AQR: variants seen among roughly 807,000 people sequenced by gnomAD.
The protein encoded by AQR is RNA helicase aquarius.
A neutral mutation model predicts 180.5 loss-of-function variants in AQR; 61 were observed. That is an observed-to-expected ratio of 0.34 (90% CI 0.28 to 0.42). The LOEUF is 0.42. AQR is among the 10% of genes least tolerant of loss of function. The pLI, the probability that AQR is intolerant of heterozygous loss-of-function variation, is 1.00. For missense variants in AQR, 1,281 were observed against 1,798.3 expected (o/e 0.71, Z 5.20); for synonymous variants, 551 against 588.8 (o/e 0.94, Z 0.93).
intron 13 of AQR, among the ~76,000 whole-genome samples, chr15:34,925,752 G>A (rs1345417513): frequency 1.3e-5 from 2 of 151,894 alleles, no homozygotes; most frequent in Non-Finnish European, 2.9e-5. Flanking sequence ...AGAATCACTT[G>A]AACCCAGGAG....
chr15:34,893,697 T>G lies in AQR; in HGVS notation c.2537A>C (p.Glu846Ala). Residue 846 changes from glutamate (E) to alanine (A), a missense_variant, in exon 23 of 35, where the codon GAA becomes GCA. Transcript: ENST00000156471. ...ATGAGTAACAATTAGAGTCCTCTGT[T>G]CTGGGAAGTTGTGGTAGATGTTGGA... ...IISNIYHNFP[E>A]QRTLIVTHSN... The G allele has an allele frequency of 6.2e-7, 1 of 1,613,428 alleles. No homozygotes were observed. The highest frequency in any genetic ancestry group is 8.5e-7 in the Non-Finnish European group (1 of 1,179,834).
chr15:34,929,675 T>C (rs1285551493), intron 12 of AQR, among the ~76,000 whole-genome samples: 3 of 152,208 alleles, frequency 2.0e-5, no homozygotes, highest in Non-Finnish European at 4.4e-5. Context: ...CTAACTTGAT[T>C]ACAAAAGAGT....
At position 34,896,881 on chromosome 15, in the gene AQR, G is replaced by T; in HGVS notation, c.2460+16C>A. 2 of 1,592,674 alleles carry T rather than the reference G, an allele frequency of 1.3e-6. No individual in the cohort carries two copies. The highest frequency in any genetic ancestry group is 1.7e-6 in the Non-Finnish European group (2 of 1,162,066). ...CAAACAAACAAACAAACAAACAGGT[G>T]TAACAATTCTCTTACCATAGTCAGC... On this transcript the variant is annotated intron_variant, in intron 22 of 34. Transcript: ENST00000156471.
intron 8 of AQR, among the ~76,000 whole-genome samples, chr15:34,940,387 A>T (rs1028015363): frequency 3.3e-5 from 5 of 152,124 alleles, no homozygotes; most frequent in Admixed American, 6.5e-5. Flanking sequence ...AAAATTAGCC[A>T]GGCGTGGTGG....
chr15:34,882,147 G>A (rs1422029568), intron 27 of AQR, among the ~76,000 whole-genome samples: 4 of 151,876 alleles, frequency 2.6e-5, no homozygotes, highest in Non-Finnish European at 5.9e-5. Context: ...TTTTACTTCT[G>A]TTTGGAGATA....
chr15:34,905,425 A>T (rs539044896), intron 18 of AQR, among the ~76,000 whole-genome samples: 1 of 152,186 alleles, frequency 6.6e-6, no homozygotes, highest in East Asian at 1.9e-4. Context: ...ACACATAAGA[A>T]ATCAAATAAC....
intron 5 of AQR, among the ~76,000 whole-genome samples, chr15:34,946,871 G>A (rs551634260): frequency 1.6e-4 from 23 of 142,946 alleles, no homozygotes; most frequent in Non-Finnish European, 2.5e-4. Context: ...CAGCCGCCCC[G>A]TCCGGGAGGG....
At chr15:34,941,700 A>C (rs1200695414) in intron 7 of AQR, among the ~76,000 whole-genome samples, 1 of 151,930 alleles carries the variant, frequency 6.6e-6, no homozygotes, top group Non-Finnish European at 1.5e-5. Flanking sequence ...CTATATATAT[A>C]CTCTAATCAA....
chr15:34,897,261 G>C (rs1001190469), intron 21 of AQR, among the ~76,000 whole-genome samples: 37 of 152,224 alleles, frequency 2.4e-4, no homozygotes, highest in African/African-American at 7.5e-4. Flanking sequence ...ACATGCATTA[G>C]GGCTACTGCT....
At chr15:34,942,159 C>A in intron 6 of AQR, 79 bp from the exon 7 acceptor site, 3 of 1,008,888 alleles carry the variant, frequency 3.0e-6, no homozygotes, top group South Asian at 3.5e-5. Flanking sequence ...AGTATACTGC[C>A]TTTTTAAGTC....
At chr15:34,890,166 G>T in intron 24 of AQR, 49 bp downstream of exon 24, 1 of 1,475,562 alleles carries the variant, frequency 6.8e-7, no homozygotes, top group Non-Finnish European at 9.2e-7. Context: ...GAAATGAAAA[G>T]AAAATAAAAA....
intron 32 of AQR, among the ~76,000 whole-genome samples, chr15:34,863,649 A>G (rs924483277): frequency 6.6e-6 from 1 of 152,158 alleles, no homozygotes; most frequent in African/African-American, 2.4e-5. Context: ...GGCCTATAAT[A>G]GGTACTCAAT....
intron 3 of AQR, among the ~76,000 whole-genome samples, chr15:34,953,818 T>C (rs1330284127): frequency 6.6e-6 from 1 of 152,222 alleles, no homozygotes; most frequent in African/African-American, 2.4e-5. Context: ...TAGGACCTCA[T>C]GATAAAAGAC....
intron 22 of AQR, among the ~76,000 whole-genome samples, chr15:34,895,652 A>C (rs903270893): frequency 6.6e-6 from 1 of 152,178 alleles, no homozygotes; most frequent in African/African-American, 2.4e-5. Context: ...CCAAGACAAC[A>C]TAACAACCCT....
intron 27 of AQR, 51 bp from the exon 28 acceptor site, chr15:34,876,057 A>G (rs1384744193): frequency 7.6e-7 from 1 of 1,320,408 alleles, no homozygotes; most frequent in Non-Finnish European, 1.1e-6. Context: ...TCAAACAACT[A>G]CCATCATAAA....
intron 24 of AQR, among the ~76,000 whole-genome samples, chr15:34,888,689 T>C (rs1406054554): frequency 1.3e-5 from 2 of 152,134 alleles, no homozygotes; most frequent in Non-Finnish European, 2.9e-5. Context: ...AAAGTGAAAC[T>C]CTGTCTCAAA....
chr15:34,891,559 T>G (rs1416188993), intron 23 of AQR, among the ~76,000 whole-genome samples: 2 of 152,194 alleles, frequency 1.3e-5, no homozygotes, highest in Non-Finnish European at 2.9e-5. Flanking sequence ...ATGTGTCTAT[T>G]TTTGCAAATT....
In AQR at chr15:34,927,021, T is replaced by G; in HGVS notation, c.1118+14A>C. On this transcript the variant is annotated intron_variant, in intron 13 of 34. Coordinates refer to ENST00000156471, the MANE Select transcript of AQR (RefSeq NM_014691.3). ...ATACAAAAAAAGAATATATAGTTTTTCATGTTGTCTTACCTAAGAGGTCCA... is the reference window on the plus strand; with the variant it reads ...ATACAAAAAAAGAATATATAGTTTTGCATGTTGTCTTACCTAAGAGGTCCA... 1 of 1,460,902 alleles carries G rather than the reference T, an allele frequency of 6.8e-7. No individual in the cohort carries two copies. The highest frequency in any genetic ancestry group is 1.4e-5 in the African/African-American group (1 of 69,796). 90.5% of individuals were successfully genotyped at this position (1,460,902 alleles called of 1,614,324 possible).
chr15:34,901,486 G>A (rs908119753), intron 19 of AQR, among the ~76,000 whole-genome samples: 1 of 152,174 alleles, frequency 6.6e-6, no homozygotes, highest in African/African-American at 2.4e-5. Flanking sequence ...TAGCATATAT[G>A]CTGTCAAAAA....
Sources: gnomAD v4.1 joint callset for allele counts (sites outside exome capture counted in the v4.1 genomes callset) on GRCh38, gnomAD v4.1.1 for gene constraint, MANE v1.5 for transcripts, NCBI Gene and HGNC (gene_info 2026-07-23, HGNC 2026-07-21) for gene names.